WDTC1: variants seen among roughly 807,000 people sequenced by gnomAD.
WDTC1 encodes WD and tetratricopeptide repeats protein 1.
A neutral mutation model predicts 76.0 loss-of-function variants in WDTC1; 12 were observed. The observed-to-expected ratio is 0.16, with a 90% CI of 0.10 to 0.26. The LOEUF is 0.26. Ranked by LOEUF, WDTC1 falls within the 10% of genes least tolerant of loss-of-function variation. WDTC1 has a pLI of 1.00. For synonymous variants in WDTC1, 326 were observed against 350.8 expected (o/e 0.93, Z 0.79); for missense variants, 511 against 908.8 (o/e 0.56, Z 5.63).
intron 1 of WDTC1, among the ~76,000 whole-genome samples, chr1:27,260,413 A>T (rs1162854793): frequency 6.6e-6 from 1 of 152,152 alleles, no homozygotes; most frequent in Non-Finnish European, 1.5e-5. Context: ...CCCTACGAGG[A>T]TGTTAAAGAA....
In WDTC1 at chr1:27,303,539, G is replaced by C. The variant is rs2013880789; in HGVS notation, c.1469-82G>C. 2.0e-6 allele frequency: 3 copies of C among 1,487,742 alleles called. No individual in the cohort carries two copies. Among genetic ancestry groups the C allele is most frequent in the Non-Finnish European group, 2.7e-6 (3 of 1,121,630 alleles). The allele number at this position is 1,487,742 out of a possible 1,614,324, so 92.2% of individuals were successfully genotyped here. On this transcript the variant is annotated intron_variant, in intron 13 of 15. Coordinates refer to ENST00000319394, the MANE Select transcript of WDTC1 (RefSeq NM_001276252.2). The surrounding 1 kb of genome is among the most constrained non-coding windows in gnomAD (Gnocchi z 4.8). The stretch of plus-strand genomic sequence containing the variant: ...GCTCTATGTTGTCAGACTTTGGACT[G>C]AAAACAGAGCCATAGGTGGGGGAAA...
chr1:27,273,924 G>A (rs528985046), intron 3 of WDTC1, among the ~76,000 whole-genome samples: 1 of 151,974 alleles, frequency 6.6e-6, no homozygotes, highest in South Asian at 2.1e-4. Context: ...GTATATATGG[G>A]CATTCTTATA....
intron 1 of WDTC1, among the ~76,000 whole-genome samples, chr1:27,242,305 A>T (rs2011652490): frequency 6.6e-6 from 1 of 152,122 alleles, no homozygotes; most frequent in Non-Finnish European, 1.5e-5. Context: ...ATCTCTACAA[A>T]AAATAAAAAT....
At position 27,305,403 on chromosome 1, in the gene WDTC1, A is replaced by T. The variant is rs535421615; in HGVS notation, c.1836+210A>T. On this transcript the variant is annotated intron_variant, in intron 15 of 15. Coordinates refer to ENST00000319394, the MANE Select transcript of WDTC1 (RefSeq NM_001276252.2). This position sits in a 1 kb window ranked among gnomAD's most constrained non-coding sequence, Gnocchi z 4.6. ...GAAGCTGTGCAGAGGCCCTGGTCAC[A>T]AGGGAACTATGCAGGCTTTGGCATC... Among the ~76,000 whole-genome samples, 1 of 152,320 alleles carries T rather than the reference A, an allele frequency of 6.6e-6. No individual in the cohort carries two copies. Among genetic ancestry groups the T allele is most frequent in the South Asian group, 2.1e-4 (1 of 4,834 alleles).
chr1:27,239,995 T>A (rs1051904713), intron 1 of WDTC1, among the ~76,000 whole-genome samples: 4 of 151,766 alleles, frequency 2.6e-5, no homozygotes, highest in East Asian at 2.0e-4. Flanking sequence ...TTCAAGCAAT[T>A]CTCCTGCCTC....
chr1:27,247,716 T>C lies in WDTC1; in HGVS notation c.-100+12765T>C, dbSNP rs112503823. ...TACATGTACCACATTTTCTTTCTTTTTTTTTTTTTTTTTCTTTGTGAGATG... is the reference window on the plus strand; with the variant it reads ...TACATGTACCACATTTTCTTTCTTTCTTTTTTTTTTTTTCTTTGTGAGATG... On this transcript the variant is annotated intron_variant, in intron 1 of 15. Transcript: ENST00000319394. Among the ~76,000 whole-genome samples the C allele has an allele frequency of 7.9e-5, 12 of 151,376 alleles. No individual in the cohort carries two copies. The South Asian group carries it at 8.3e-4, about 10-fold the overall frequency.
At chr1:27,298,185 A>G (rs1222749760) in intron 12 of WDTC1, 74 bp downstream of exon 12, 2 of 1,476,734 alleles carry the variant, frequency 1.4e-6, no homozygotes, top group Non-Finnish European at 1.8e-6. Context: ...CAGGGGCCTG[A>G]TGGAGCCAAG....
At chr1:27,255,848 C>G (rs1007717239) in intron 1 of WDTC1, among the ~76,000 whole-genome samples, 3 of 152,118 alleles carry the variant, frequency 2.0e-5, no homozygotes, top group Admixed American at 6.6e-5. Flanking sequence ...GGATTACAGG[C>G]GTGAACCACC....
intron 7 of WDTC1, among the ~76,000 whole-genome samples, chr1:27,293,215 G>C (rs1454670972): frequency 6.6e-6 from 1 of 151,004 alleles, no homozygotes; most frequent in Non-Finnish European, 1.5e-5. Context: ...GGCGGATCAC[G>C]AGGTCAGGAG....
chr1:27,258,281 C>T (rs1333901435), intron 1 of WDTC1, among the ~76,000 whole-genome samples: 3 of 151,416 alleles, frequency 2.0e-5, no homozygotes, highest in African/African-American at 4.8e-5. Flanking sequence ...ACCTGTAATC[C>T]CAGCACTTTG....
rs138128652 is a variant in WDTC1 at position 27,281,327 on chromosome 1, G to A, written c.133-912G>A. 4.4e-3 allele frequency among the ~76,000 whole-genome samples: 670 copies of A among 151,704 alleles called. 6 individuals are homozygous for A. The highest frequency in any genetic ancestry group is 0.016 in the African/African-American group (644 of 41,350). ...AAATTAGCCTGGCGTGTTGGCGGGCGCCTGTAGTCTCAGCCACTCAGGAGG... is the reference window on the plus strand; with the variant it reads ...AAATTAGCCTGGCGTGTTGGCGGGCACCTGTAGTCTCAGCCACTCAGGAGG... On this transcript the variant is annotated intron_variant, in intron 3 of 15. Transcript: ENST00000319394.
chr1:27,284,974 C>T (rs1422544696), intron 5 of WDTC1, among the ~76,000 whole-genome samples: 2 of 150,452 alleles, frequency 1.3e-5, no homozygotes, highest in African/African-American at 2.4e-5. Flanking sequence ...GGATTAAAGA[C>T]TACTGGTTGT....
chr1:27,262,270 A>T (rs916279523), intron 2 of WDTC1, among the ~76,000 whole-genome samples: 10 of 152,034 alleles, frequency 6.6e-5, no homozygotes, highest in Admixed American at 1.3e-4. Context: ...ATCAAGTGGC[A>T]TGCAGCATAA....
In WDTC1 at chr1:27,287,723, C is replaced by G; in HGVS notation, c.341C>G (p.Ser114Cys). 1 of 1,614,120 alleles carries G rather than the reference C, an allele frequency of 6.2e-7. No individual in the cohort carries two copies. Among genetic ancestry groups the G allele is most frequent in the Non-Finnish European group, 8.5e-7 (1 of 1,180,004 alleles). The change falls in exon 6 of 16, where the codon TCT becomes TGT. Residue 114 changes from serine (S) to cysteine (C), a missense_variant. Physicochemically the swap from Ser to Cys is moderately radical, Grantham distance 112 (BLOSUM62 -1). Coordinates refer to ENST00000319394, the MANE Select transcript of WDTC1 (RefSeq NM_001276252.2). Reference sequence around the variant, plus strand: ...ATCTTGATCACGGGGGCAGCCGACTCTAAGGTGCATGTGCACGACCTGACA... The same window carrying G: ...ATCTTGATCACGGGGGCAGCCGACTGTAAGGTGCATGTGCACGACCTGACA... The part of the protein sequence containing the change: ...DRILITGAAD[S>C]KVHVHDLTVK...
intron 11 of WDTC1, 24 bp from the exon 12 acceptor site, chr1:27,297,914 G>T: frequency 6.3e-7 from 1 of 1,596,834 alleles, no homozygotes; most frequent in South Asian, 1.1e-5. Context: ...TGACTGTTCT[G>T]ACTTGGCTCT....
intron 12 of WDTC1, 31 bp downstream of exon 12, chr1:27,298,142 C>A: frequency 6.5e-7 from 1 of 1,548,586 alleles, no homozygotes. Flanking sequence ...GGATCTGGGT[C>A]AGGATGAGGG....
chr1:27,287,501 C>T (rs2013373333), intron 5 of WDTC1, among the ~76,000 whole-genome samples, 173 bp from the exon 6 acceptor site: 2 of 152,108 alleles, frequency 1.3e-5, no homozygotes, highest in African/African-American at 4.8e-5. Flanking sequence ...ATTTTCCTGC[C>T]TCAGCCTGCT....
chr1:27,251,906 G>A (rs1339842298), intron 1 of WDTC1, among the ~76,000 whole-genome samples: 3 of 151,980 alleles, frequency 2.0e-5, no homozygotes, highest in South Asian at 2.1e-4. Flanking sequence ...AAACTTAGCC[G>A]GGCATGGTGG....
chr1:27,245,411 C>T (rs1174278781), intron 1 of WDTC1, among the ~76,000 whole-genome samples: 1 of 151,446 alleles, frequency 6.6e-6, no homozygotes, highest in African/African-American at 2.4e-5. Context: ...AAGAGCAGGC[C>T]CTCAGCATGC....
Sources: gnomAD v4.1 joint callset for allele counts (sites outside exome capture counted in the v4.1 genomes callset) on GRCh38, gnomAD v4.1.1 for gene constraint, Gnocchi (gnomAD v3.1) non-coding constraint, MANE v1.5 for transcripts, NCBI Gene and HGNC (gene_info 2026-07-23, HGNC 2026-07-21) for gene names.